The following CELF2 variants were observed in gnomAD, a reference collection of about 807,000 sequenced individuals.
The protein encoded by CELF2 is CUGBP Elav-like family member 2, also known as CUG triplet repeat RNA-binding protein 2.
A neutral mutation model predicts 62.6 loss-of-function variants in CELF2; 8 were observed. The ratio of observed to expected loss-of-function variants is 0.13; its 90% CI spans 0.07 to 0.23. The LOEUF is 0.23. Ranked by LOEUF, CELF2 falls within the 10% of genes least tolerant of loss-of-function variation. The pLI, the probability that CELF2 is intolerant of heterozygous loss-of-function variation, is 1.00. For missense variants in CELF2, 333 were observed against 671.0 expected (o/e 0.50, Z 5.56); for synonymous variants, 258 against 250.0 (o/e 1.03, Z -0.30).
chr10:11,222,991 G>C (rs1412434447), intron 3 of CELF2, among the ~76,000 whole-genome samples: 1 of 152,194 alleles, frequency 6.6e-6, no homozygotes, highest in Non-Finnish European at 1.5e-5. Context: ...GAAGATGAAA[G>C]TTAAAGTCCT....
chr10:11,173,774 G>A (rs2069871682), intron 2 of CELF2, among the ~76,000 whole-genome samples: 1 of 152,136 alleles, frequency 6.6e-6, no homozygotes, highest in Non-Finnish European at 1.5e-5. Flanking sequence ...AGAGCGTACA[G>A]CCATGAATAA....
intron 1 of CELF2, among the ~76,000 whole-genome samples, chr10:10,821,843 T>C (rs551136085): frequency 1.0e-3 from 159 of 152,256 alleles, no homozygotes; most frequent in Non-Finnish European, 1.6e-3. Context: ...GTCTTGCTTT[T>C]TGGCCCAGGC....
In CELF2 at chr10:10,882,670, T is replaced by C. The variant is rs1220861579; in HGVS notation, c.54-37294T>C. Among the ~76,000 whole-genome samples, 4 of 152,230 alleles carry C rather than the reference T, an allele frequency of 2.6e-5. No homozygotes were observed. In the East Asian group the frequency reaches 7.7e-4, roughly 29 times the overall value. Reference sequence around the variant, plus strand: ...GCGTGTTAAGAGAGGGAAAATATCATACTTAATGACAGTTTGCCTCATGTG... The same window carrying C: ...GCGTGTTAAGAGAGGGAAAATATCACACTTAATGACAGTTTGCCTCATGTG... On this transcript the variant is annotated intron_variant, in intron 1 of 13. Coordinates refer to the CELF2 transcript ENST00000636488.
At chr10:10,880,788 A>G (rs2061394602) in intron 1 of CELF2, among the ~76,000 whole-genome samples, 1 of 152,132 alleles carries the variant, frequency 6.6e-6, no homozygotes, top group Non-Finnish European at 1.5e-5. Context: ...TAGTTGGGCT[A>G]ATTTCTGCCA....
intron 1 of CELF2, among the ~76,000 whole-genome samples, chr10:10,803,003 C>T: frequency 6.6e-6 from 1 of 152,152 alleles, no homozygotes; most frequent in East Asian, 1.9e-4. Context: ...TAGGCAGTCT[C>T]CCTAATCCCC....
At chr10:11,176,167 A>G (rs2071028693) in intron 2 of CELF2, among the ~76,000 whole-genome samples, 3 of 152,142 alleles carry the variant, frequency 2.0e-5, no homozygotes, top group Admixed American at 6.5e-5. Context: ...ACATGCCCGT[A>G]TCTCCTCTTT....
rs117159738 is a variant in CELF2, at chr10:11,136,717, G to A, written c.75-28769G>A. ...GTAAGGCTAACAATAACAGTGTTCC[G>A]GCTGTCACTAGCTCTTCACCGAATG... On this transcript the variant is annotated intron_variant, in intron 1 of 12. Transcript: ENST00000633077. Among the ~76,000 whole-genome samples the A allele has an allele frequency of 2.6e-3, 390 of 152,298 alleles. 3 individuals carry two copies. The highest frequency in any genetic ancestry group is 0.017 in the Middle Eastern group (5 of 294).
chr10:10,719,685 G>A, the CELF2 span, among the ~76,000 whole-genome samples: 3,924 of 152,130 alleles, frequency 0.026, 67 homozygotes, highest in Middle Eastern at 0.054. Flanking sequence ...ACCCTTCCAC[G>A]TATCACCTTG....
At chr10:10,919,294 C>T (rs58712164) in intron 1 of CELF2, among the ~76,000 whole-genome samples, 1,820 of 151,640 alleles carry the variant, frequency 0.012, 30 homozygotes, top group African/African-American at 0.041. Context: ...AGAAAGAAAA[C>T]GAAAGACAAG....
chr10:10,816,171 T>A (rs1158361469), intron 1 of CELF2, among the ~76,000 whole-genome samples: 1 of 152,176 alleles, frequency 6.6e-6, no homozygotes, highest in Non-Finnish European at 1.5e-5. Context: ...GCACAGAAGA[T>A]TTTAGTAAAG....
At chr10:10,719,248 G>A in the CELF2 span, among the ~76,000 whole-genome samples, 6 of 151,990 alleles carry the variant, frequency 3.9e-5, no homozygotes, top group South Asian at 1.3e-3. Flanking sequence ...GTGAGCCACC[G>A]CACCCGGCCT....
rs2096064035 is a variant in CELF2 at position 11,333,319 on chromosome 10, GGGTGCAAA to G, written c.*4269_*4276del. The G allele has an allele frequency of 6.6e-6, 1 of 152,604 alleles. No homozygotes were observed. Among genetic ancestry groups the G allele is most frequent in the Non-Finnish European group, 1.5e-5 (1 of 68,030 alleles). The allele number at this position is 152,604 out of a possible 1,614,324, so 9.5% of individuals were successfully genotyped here. A position where few individuals can be genotyped will look rare whatever the true frequency, so the allele number is the denominator to read the frequency against. On this transcript the variant is annotated 3_prime_UTR_variant, in exon 13 of 13. Transcript: ENST00000633077. Reference sequence around the variant, plus strand: ...AAATATCAAAAGGAAAAAGCTGCAAGGGTGCAAAGGGCCTGTGCCAGAAGAAAACACAC... The same window carrying G: ...AAATATCAAAAGGAAAAAGCTGCAAGGGGCCTGTGCCAGAAGAAAACACAC...
At chr10:10,526,367 A>G in the CELF2 span, among the ~76,000 whole-genome samples, 1 of 152,264 alleles carries the variant, frequency 6.6e-6, no homozygotes, top group Non-Finnish European at 1.5e-5. Context: ...ACAGAGTAAC[A>G]TCACAAGGAA....
intron 11 of CELF2, among the ~76,000 whole-genome samples, chr10:11,323,680 T>G (rs1167614334): frequency 4.6e-5 from 7 of 152,046 alleles, no homozygotes; most frequent in East Asian, 3.9e-4. Context: ...GTGAGAGAGA[T>G]AAAACATGAA....
chr10:11,326,698 AC>A (rs981191082), intron 12 of CELF2, among the ~76,000 whole-genome samples: 27 of 152,138 alleles, frequency 1.8e-4, no homozygotes, highest in African/African-American at 6.5e-4. Context: ...CATTTTTCAA[AC>A]CCTATTGGCC....
At chr10:10,751,230 C>T in the CELF2 span, among the ~76,000 whole-genome samples, 1 of 152,148 alleles carries the variant, frequency 6.6e-6, no homozygotes, top group East Asian at 1.9e-4. Flanking sequence ...GCCTCTTTGT[C>T]CTTTTGTGAA....
At chr10:10,686,320 G>GT in the CELF2 span, among the ~76,000 whole-genome samples, 2 of 97,292 alleles carry the variant, frequency 2.1e-5, no homozygotes, top group African/African-American at 3.8e-5. Context: ...TGGGGGGGGG[G>GT]GTGGGGTGGG....
intron 1 of CELF2, among the ~76,000 whole-genome samples, chr10:11,133,260 C>G (rs1459399605): frequency 2.0e-5 from 3 of 152,082 alleles, no homozygotes; most frequent in African/African-American, 7.2e-5. Flanking sequence ...ATTGTTAGAG[C>G]CTTGAGTTGA....
chr10:10,655,996 A>G, the CELF2 span, among the ~76,000 whole-genome samples: 2 of 148,246 alleles, frequency 1.3e-5, no homozygotes, highest in South Asian at 2.3e-4. Context: ...TAATATCCAG[A>G]ATCTACAATG....
Sources: allele counts gnomAD v4.1 joint callset (sites outside exome capture counted in the v4.1 genomes callset), GRCh38; gene constraint gnomAD v4.1.1; transcripts MANE v1.5; gene names NCBI Gene and HGNC (gene_info 2026-07-23, HGNC 2026-07-21).